GMNC: variants seen among roughly 807,000 people sequenced by gnomAD.
GMNC encodes geminin coiled-coil domain-containing protein 1.
GMNC carries 16 observed loss-of-function variants against 33.6 expected under a neutral mutation model. The observed-to-expected ratio is 0.48, with a 90% CI of 0.32 to 0.72. The LOEUF is 0.72. GMNC is among the 30% of genes least tolerant of loss of function. GMNC has a pLI of 0.03. For synonymous variants in GMNC, 156 were observed against 147.3 expected (o/e 1.06, Z -0.43); for missense variants, 393 against 388.9 (o/e 1.01, Z -0.09).
At chr3:190,860,482 T>C (rs940510476) in intron 2 of GMNC, among the ~76,000 whole-genome samples, 3 of 152,182 alleles carry the variant, frequency 2.0e-5, no homozygotes, top group African/African-American at 7.2e-5. Context: ...TGCTATCCAG[T>C]GGGCAAGGTA....
chr3:190,848,500 A>G (rs1737585700), downstream of GMNC, among the ~76,000 whole-genome samples: 1 of 152,240 alleles, frequency 6.6e-6, no homozygotes, highest in Admixed American at 6.5e-5. Context: ...GACATGAGCT[A>G]TAGTGCCTAA....
At chr3:190,852,128 A>T (rs1397792748), downstream of GMNC, among the ~76,000 whole-genome samples, 2 of 152,106 alleles carry the variant, frequency 1.3e-5, no homozygotes, top group East Asian at 3.8e-4. Context: ...CTTTTGGTAA[A>T]CTGAAACACA....
the GMNC span, among the ~76,000 whole-genome samples, chr3:190,844,849 A>G: frequency 6.9e-4 from 105 of 152,246 alleles, no homozygotes; most frequent in Non-Finnish European, 1.3e-3. Flanking sequence ...GGGTTTTTCA[A>G]TTATTTGGAG....
At chr3:190,843,949 A>C in the GMNC span, among the ~76,000 whole-genome samples, 1 of 152,240 alleles carries the variant, frequency 6.6e-6, no homozygotes, top group Non-Finnish European at 1.5e-5. Context: ...ATTCAAAAAT[A>C]ATGAAGAATT....
chr3:190,858,971 C>G lies in GMNC; in HGVS notation c.224G>C (p.Trp75Ser). 1.3e-6 allele frequency: 2 copies of G among 1,550,594 alleles called. No individual in the cohort carries two copies. Among genetic ancestry groups the G allele is most frequent in the Non-Finnish European group, 1.7e-6 (2 of 1,146,214 alleles). Residue 75 changes from tryptophan to serine, a missense_variant, in exon 3 of 5, where the codon TGG becomes TCG. By Grantham distance (177) the Trp-to-Ser change is radical. Transcript: ENST00000442080. ...SNFPLPDLCSWEEAQLSSQLY... is the reference protein window; with the variant it reads ...SNFPLPDLCSSEEAQLSSQLY... ...CTGAGAGGAAAGCTGAGCCTCTTCC[C>G]ATGAGCACAAGTCCGGAAGAGGAAA...
chr3:190,849,484 T>A (rs781689277), downstream of GMNC, among the ~76,000 whole-genome samples: 3 of 152,226 alleles, frequency 2.0e-5, no homozygotes, highest in Non-Finnish European at 4.4e-5. Flanking sequence ...TTCTGAATTC[T>A]CAGCGCATAC....
rs1737780548 is a variant in GMNC at position 190,857,837 on chromosome 3, G to A, written c.330C>T (p.His110=). Residue 110 remains histidine (H), a synonymous_variant, in exon 4 of 5, where the codon CAC becomes CAT. Transcript: ENST00000442080. ...ELARLHEENN[H]LRQYLNSALV... ...AAGCAGAATTCAGGTATTGTCTGAGGTGATTATTCTCTTCGTGTAACCTGG... is the reference window on the plus strand; with the variant it reads ...AAGCAGAATTCAGGTATTGTCTGAGATGATTATTCTCTTCGTGTAACCTGG... 6.4e-7 allele frequency: 1 copy of A among 1,550,942 alleles called. No homozygotes were observed.
intron 4 of GMNC, among the ~76,000 whole-genome samples, chr3:190,857,119 CA>C (rs1324479619): frequency 6.9e-6 from 1 of 145,776 alleles, no homozygotes; most frequent in Non-Finnish European, 1.5e-5. Flanking sequence ...AACATAATGG[CA>C]ACTAGATAAT....
intron 4 of GMNC, among the ~76,000 whole-genome samples, chr3:190,856,276 A>G (rs1349672543): frequency 7.0e-6 from 1 of 143,310 alleles, no homozygotes; most frequent in Non-Finnish European, 1.5e-5. Flanking sequence ...TAATACTTAT[A>G]TTTATTTATA....
rs1273286911 is a variant in GMNC at position 190,861,458 on chromosome 3, CT to C, written c.4-601del. On this transcript the variant is annotated intron_variant, in intron 1 of 4. Coordinates refer to ENST00000442080, the MANE Select transcript of GMNC (RefSeq NM_001146686.3). The surrounding 1 kb of genome is among the most constrained non-coding windows in gnomAD (Gnocchi z 5.1). ...GTCTGTCTGTCTGTCTGCCTATCAT[CT>C]ATCTATCTATCTATCTATCTATCTA... Among the ~76,000 whole-genome samples, 9 of 55,360 alleles carry C rather than the reference CT, an allele frequency of 1.6e-4. No homozygotes were observed. The highest frequency in any genetic ancestry group is 2.9e-4 in the Non-Finnish European group (7 of 24,330). The allele number at this position is 55,360 out of a possible 152,430, so 36.3% of individuals were successfully genotyped here.
downstream of GMNC, among the ~76,000 whole-genome samples, chr3:190,852,471 G>A (rs761011507): frequency 4.6e-5 from 7 of 152,038 alleles, no homozygotes; most frequent in Non-Finnish European, 8.8e-5. Flanking sequence ...ATACAAGTAT[G>A]ATTTATTTTT....
At chr3:190,852,638 A>T (rs56304862), downstream of GMNC, among the ~76,000 whole-genome samples, 9,163 of 152,200 alleles carry the variant, frequency 0.06, 338 homozygotes, top group African/African-American at 0.097. Flanking sequence ...AAGGGAAAGA[A>T]CCATCAAGCC....
chr3:190,851,112 A>G (rs73192249), downstream of GMNC, among the ~76,000 whole-genome samples: 7,982 of 152,312 alleles, frequency 0.052, 263 homozygotes, highest in East Asian at 0.16. Context: ...TCCTTCCCTG[A>G]GGAAAATATG....
the GMNC span, among the ~76,000 whole-genome samples, chr3:190,843,278 T>A: frequency 2.0e-5 from 3 of 152,190 alleles, no homozygotes; most frequent in East Asian, 3.9e-4. Flanking sequence ...GGGTTGAACG[T>A]GTTACAGTAG....
At chr3:190,846,013 A>G in the GMNC span, among the ~76,000 whole-genome samples, 1 of 152,080 alleles carries the variant, frequency 6.6e-6, no homozygotes, top group African/African-American at 2.4e-5. Context: ...GAATTGCCTG[A>G]GCTCAGGAGA....
downstream of GMNC, among the ~76,000 whole-genome samples, chr3:190,851,423 C>T (rs1364101769): frequency 6.6e-6 from 1 of 152,192 alleles, no homozygotes; most frequent in Non-Finnish European, 1.5e-5. Context: ...AAATCCCAAA[C>T]CAGATTGCTG....
At chr3:190,846,502 TA>T in the GMNC span, among the ~76,000 whole-genome samples, 2 of 152,204 alleles carry the variant, frequency 1.3e-5, no homozygotes, top group Admixed American at 1.3e-4. Context: ...ACACTTTTAC[TA>T]AAAATATATA....
chr3:190,854,449 G>C lies in GMNC; in HGVS notation c.*846C>G, dbSNP rs1411424279. The stretch of plus-strand genomic sequence containing the variant: ...GAATGAATGAATGAATGAGACAATG[G>C]CTGAGCTAGGTTAGTCTATTTTCAG... On this transcript the variant is annotated 3_prime_UTR_variant, in exon 5 of 5. Coordinates refer to ENST00000442080, the MANE Select transcript of GMNC (RefSeq NM_001146686.3). 1 of 152,108 alleles carries C rather than the reference G, an allele frequency of 6.6e-6. No homozygotes were observed. The highest frequency in any genetic ancestry group is 2.4e-5 in the African/African-American group (1 of 41,414). 9.4% of individuals were successfully genotyped at this position (152,108 alleles called of 1,614,324 possible).
Position 190,862,663 on chromosome 3 carries a change from C to T in GMNC, c.-48G>A. The T allele has an allele frequency of 6.4e-7, 1 of 1,551,912 alleles. No individual in the cohort carries two copies. The highest frequency in any genetic ancestry group is 8.7e-7 in the Non-Finnish European group (1 of 1,146,870). On this transcript the variant is annotated 5_prime_UTR_variant, in exon 1 of 5. Coordinates refer to ENST00000442080, the MANE Select transcript of GMNC (RefSeq NM_001146686.3). The surrounding 1 kb of genome is among the most constrained non-coding windows in gnomAD (Gnocchi z 4.5). ...CAGAAACTGAGCCCACTCAATTTTT[C>T]AGTAAAACCAGTGGGAGCTTTAAAT...
Sources: allele counts gnomAD v4.1 joint callset (sites outside exome capture counted in the v4.1 genomes callset), GRCh38; gene constraint gnomAD v4.1.1; non-coding constraint Gnocchi (gnomAD v3.1); transcripts MANE v1.5; gene names NCBI Gene and HGNC (gene_info 2026-07-23, HGNC 2026-07-21).